Variants in ERBB4 observed in about 807,000 individuals in gnomAD.
The protein encoded by ERBB4 is receptor tyrosine-protein kinase erbB-4.
ERBB4 carries 42 observed loss-of-function variants against 158.0 expected under a neutral mutation model. That is an observed-to-expected ratio of 0.27 (90% CI 0.21 to 0.34). The LOEUF is 0.34. ERBB4 is among the 10% of genes least tolerant of loss of function. ERBB4 has a pLI of 1.00. For missense variants in ERBB4, 1,333 were observed against 1,624.1 expected (o/e 0.82, Z 3.08); for synonymous variants, 583 against 558.7 (o/e 1.04, Z -0.61).
intron 1 of ERBB4, among the ~76,000 whole-genome samples, chr2:212,274,424 G>A (rs2085452245): frequency 6.6e-6 from 1 of 151,804 alleles, no homozygotes; most frequent in Admixed American, 6.6e-5. Flanking sequence ...TTTATTGGGA[G>A]ATGAACTGCT....
chr2:211,489,249 G>C (rs1030084565), intron 20 of ERBB4, among the ~76,000 whole-genome samples: 11 of 152,058 alleles, frequency 7.2e-5, no homozygotes, highest in African/African-American at 2.6e-4. Flanking sequence ...TAATAAAAAT[G>C]TTTTCTAACT....
chr2:212,064,388 A>G (rs10197270), intron 2 of ERBB4, among the ~76,000 whole-genome samples: 93,976 of 151,808 alleles, frequency 0.62, 33,106 homozygotes, highest in East Asian at 0.92. Flanking sequence ...ATCTTTTACA[A>G]TAGGCAACAC....
intron 3 of ERBB4, among the ~76,000 whole-genome samples, chr2:211,872,251 A>G (rs768233466): frequency 5.3e-5 from 8 of 152,332 alleles, no homozygotes; most frequent in Non-Finnish European, 8.8e-5. Context: ...GTTTGTTAGA[A>G]CATTTCCACA....
chr2:211,700,716 C>T (rs1293143370), intron 12 of ERBB4, among the ~76,000 whole-genome samples: 1 of 152,080 alleles, frequency 6.6e-6, no homozygotes, highest in Non-Finnish European at 1.5e-5. Context: ...CACACACACA[C>T]GCACACACTC....
intron 19 of ERBB4, among the ~76,000 whole-genome samples, chr2:211,570,213 G>A (rs2067674101): frequency 6.6e-6 from 1 of 151,940 alleles, no homozygotes; most frequent in Admixed American, 6.6e-5. Context: ...GTGCAGTGGT[G>A]CGATTTTGGC....
In ERBB4 at chr2:211,382,368, G is replaced by C. The variant is rs2062587863; in HGVS notation, c.*1247C>G. The C allele has an allele frequency of 4.3e-6, 1 of 232,394 alleles. No individual in the cohort carries two copies. Among genetic ancestry groups the C allele is most frequent in the Non-Finnish European group, 8.5e-6 (1 of 117,504 alleles). The allele number at this position is 232,394 out of a possible 1,614,324, so 14.4% of individuals were successfully genotyped here. A position where few individuals can be genotyped will look rare whatever the true frequency, so the allele number is the denominator to read the frequency against. On this transcript the variant is annotated 3_prime_UTR_variant, in exon 28 of 28. Transcript: ENST00000342788. ...CTCATCATAGTCCCTGGATACCGTTGCAAGGTTCCTAATTTGCTTGGTTTG... is the reference window on the plus strand; with the variant it reads ...CTCATCATAGTCCCTGGATACCGTTCCAAGGTTCCTAATTTGCTTGGTTTG...
At chr2:211,779,940 A>G (rs1409824675) in intron 4 of ERBB4, among the ~76,000 whole-genome samples, 1 of 152,200 alleles carries the variant, frequency 6.6e-6, no homozygotes, top group Non-Finnish European at 1.5e-5. Context: ...TAGGCCTTCA[A>G]AATGCCACAT....
chr2:211,731,603 T>C (rs112357914), intron 5 of ERBB4, among the ~76,000 whole-genome samples: 2 of 152,252 alleles, frequency 1.3e-5, no homozygotes, highest in African/African-American at 2.4e-5. Context: ...TAATTAAAGA[T>C]AGGAGGCTTG....
intron 2 of ERBB4, among the ~76,000 whole-genome samples, chr2:212,003,255 AGGAAAG>A (rs1265782163): frequency 8.8e-6 from 1 of 113,542 alleles, no homozygotes; most frequent in Non-Finnish European, 2.1e-5. Context: ...GAAGGAAGGA[AGGAAAG>A]AGAGAGAAAG....
rs571966387 is a variant in ERBB4, at chr2:211,862,431, A to T, written c.422-74272T>A. On this transcript the variant is annotated intron_variant, in intron 3 of 27. Coordinates refer to ENST00000342788, the MANE Select transcript of ERBB4 (RefSeq NM_005235.3). ...CTCAATTTTTTTCAAGCATTGTCTTAGATGAGAAAAGGCAATTTTCCAGAG... is the reference window on the plus strand; with the variant it reads ...CTCAATTTTTTTCAAGCATTGTCTTTGATGAGAAAAGGCAATTTTCCAGAG... Among the ~76,000 whole-genome samples, 3 of 152,246 alleles carry T rather than the reference A, an allele frequency of 2.0e-5. No homozygotes were observed. In the South Asian group the frequency reaches 6.2e-4, roughly 32 times the overall value.
At chr2:212,513,280 A>T (rs1322182448) in intron 1 of ERBB4, among the ~76,000 whole-genome samples, 1 of 152,224 alleles carries the variant, frequency 6.6e-6, no homozygotes, top group Non-Finnish European at 1.5e-5. Context: ...TTATATATTC[A>T]GCACTCTAAA....
chr2:212,389,587 C>A (rs2090788397), intron 1 of ERBB4, among the ~76,000 whole-genome samples: 1 of 151,976 alleles, frequency 6.6e-6, no homozygotes, highest in African/African-American at 2.4e-5. Context: ...AAATATGGAA[C>A]ACTGTGTATT....
At chr2:211,587,968 A>G (rs1662116177) in intron 19 of ERBB4, among the ~76,000 whole-genome samples, 1 of 152,180 alleles carries the variant, frequency 6.6e-6, no homozygotes, top group African/African-American at 2.4e-5. Context: ...AAGTTCTAGC[A>G]ATAAGGACAA....
At chr2:211,630,616 A>AAT (rs1279711158) in intron 16 of ERBB4, 22 bp from the exon 17 acceptor site, 1 of 1,602,948 alleles carries the variant, frequency 6.2e-7, no homozygotes, top group African/African-American at 1.3e-5. Context: ...AATGAGAAAA[A>AAT]AAAAAATAAA....
chr2:212,332,300 TG>T lies in ERBB4; in HGVS notation c.82+206148del, dbSNP rs561265332. ...ACGCCGCCATGGAAGAAGTGCCTTT[TG>T]CCTTCTGCCATGGTTGTGAGGCCTC... is the stretch of plus-strand genomic sequence containing the variant. On this transcript the variant is annotated intron_variant, in intron 1 of 27. Transcript: ENST00000342788. 6.6e-5 allele frequency among the ~76,000 whole-genome samples: 10 copies of T among 152,218 alleles called. No homozygotes were observed. The East Asian group carries it at 1.9e-3, about 30-fold the overall frequency.
intron 1 of ERBB4, among the ~76,000 whole-genome samples, chr2:212,317,285 G>A (rs564647366): frequency 6.6e-6 from 1 of 151,442 alleles, no homozygotes; most frequent in African/African-American, 2.4e-5. Context: ...GAGAGTAAAA[G>A]AGCTTTGTGA....
At chr2:212,063,852 G>A (rs1040878230) in intron 2 of ERBB4, among the ~76,000 whole-genome samples, 1 of 152,160 alleles carries the variant, frequency 6.6e-6, no homozygotes, top group African/African-American at 2.4e-5. Context: ...CTATTTGCCA[G>A]ATGATCCCTT....
chr2:212,013,057 C>A (rs12476274), intron 2 of ERBB4, among the ~76,000 whole-genome samples: 41,330 of 149,482 alleles, frequency 0.28, 6,653 homozygotes, highest in African/African-American at 0.45. Flanking sequence ...GAAATACTTT[C>A]CTTTTTTTTT....
In ERBB4 at chr2:212,377,122, C is replaced by T. The variant is rs542215952; in HGVS notation, c.82+161327G>A. On this transcript the variant is annotated intron_variant, in intron 1 of 27. Transcript: ENST00000342788. ...TTAAGGCACCTTGTAATATATAGCT[C>T]TTACGTGATACTGTAAAATCATAGA... Among the ~76,000 whole-genome samples the T allele has an allele frequency of 3.3e-4, 50 of 151,230 alleles. 2 individuals are homozygous for T. The East Asian group carries it at 9.3e-3, about 28-fold the overall frequency.
Sources: gnomAD v4.1 joint callset for allele counts (sites outside exome capture counted in the v4.1 genomes callset) on GRCh38, gnomAD v4.1.1 for gene constraint, MANE v1.5 for transcripts, NCBI Gene and HGNC (gene_info 2026-07-23, HGNC 2026-07-21) for gene names.